The following CSMD1 variants were observed in gnomAD, a reference collection of about 807,000 sequenced individuals.
CSMD1 encodes CUB and Sushi multiple domains 1.
In CSMD1, 213 loss-of-function variants were observed where a neutral mutation model predicts 417.5. That is an observed-to-expected ratio of 0.51 (90% CI 0.46 to 0.57). The LOEUF (loss-of-function observed/expected upper bound fraction) is 0.57, where lower values mean the gene tolerates loss of function less well. Ranked by LOEUF, CSMD1 falls within the 20% of genes least tolerant of loss-of-function variation. The pLI, the probability that CSMD1 is intolerant of heterozygous loss-of-function variation, is 0.00. For missense variants in CSMD1, 6,923 were observed against 4,529.7 expected, an observed-to-expected ratio of 1.53 and a Z score of -15.17; for synonymous variants, 2,862 against 1,736.8, an observed-to-expected ratio of 1.65 and a Z score of -16.11.
chr8:4,574,505 G>A (rs1238119108), intron 2 of CSMD1, among the ~76,000 whole-genome samples: 2 of 152,186 alleles, frequency 1.3e-5, no homozygotes, highest in Non-Finnish European at 2.9e-5. Flanking sequence ...AGAGGGAAAT[G>A]CAGAAATCAC....
chr8:4,530,995 C>T (rs1229184731), intron 2 of CSMD1, among the ~76,000 whole-genome samples: 2 of 152,058 alleles, frequency 1.3e-5, no homozygotes, highest in African/African-American at 4.8e-5. Context: ...TGAGGCAAAT[C>T]ACATGAACTG....
At chr8:3,574,570 A>T (rs889980198) in intron 10 of CSMD1, among the ~76,000 whole-genome samples, 2 of 152,190 alleles carry the variant, frequency 1.3e-5, no homozygotes, top group African/African-American at 4.8e-5. Flanking sequence ...TTTGTGTCTG[A>T]GTATAGTAGG....
At chr8:3,664,699 A>G (rs1444527002) in intron 7 of CSMD1, among the ~76,000 whole-genome samples, 1 of 152,242 alleles carries the variant, frequency 6.6e-6, no homozygotes, top group African/African-American at 2.4e-5. Flanking sequence ...GAGCTGGCCC[A>G]TCATCTTATC....
chr8:4,168,268 C>G (rs556524419), intron 3 of CSMD1, among the ~76,000 whole-genome samples: 2 of 151,682 alleles, frequency 1.3e-5, no homozygotes, highest in East Asian at 1.9e-4. Context: ...GTAGGATGCA[C>G]CTGTACTCCC....
Position 4,073,135 on chromosome 8 carries a change from C to A in CSMD1, c.416-41036G>T, listed in dbSNP as rs74368639. 3.6e-3 allele frequency among the ~76,000 whole-genome samples: 554 copies of A among 152,162 alleles called. 15 individuals carry two copies. In the East Asian group the frequency reaches 0.059, roughly 16 times the overall value. On this transcript the variant is annotated intron_variant, in intron 3 of 69. Coordinates refer to ENST00000635120, the MANE Select transcript of CSMD1 (RefSeq NM_033225.6). ...ATCATGATTCTAGAAATTGGCAGAA[C>A]ATGAAAACTTTTGTGATTTCACTTT...
chr8:3,558,165 G>A (rs1168813605), intron 10 of CSMD1, among the ~76,000 whole-genome samples: 3 of 150,110 alleles, frequency 2.0e-5, no homozygotes, highest in African/African-American at 7.4e-5. Context: ...TGCCTCAATA[G>A]CACCCCGTGT....
At chr8:4,457,932 A>C (rs1170095272) in intron 2 of CSMD1, among the ~76,000 whole-genome samples, 3 of 152,124 alleles carry the variant, frequency 2.0e-5, no homozygotes, top group Non-Finnish European at 4.4e-5. Flanking sequence ...GGCAGAGTCT[A>C]TGTATGTCAA....
chr8:4,753,060 C>G (rs1049290742), intron 1 of CSMD1, among the ~76,000 whole-genome samples: 1 of 152,152 alleles, frequency 6.6e-6, no homozygotes, highest in Non-Finnish European at 1.5e-5. Context: ...TACTTTATCT[C>G]ATTTAACCCT....
intron 3 of CSMD1, among the ~76,000 whole-genome samples, chr8:4,371,464 G>A (rs1381083770): frequency 2.6e-5 from 4 of 152,104 alleles, no homozygotes; most frequent in African/African-American, 9.7e-5. Flanking sequence ...GCATGTCTGG[G>A]GATAGAAAAT....
At chr8:4,836,132 T>C (rs1563541785) in intron 1 of CSMD1, among the ~76,000 whole-genome samples, 2 of 152,148 alleles carry the variant, frequency 1.3e-5, no homozygotes, top group Admixed American at 1.3e-4. Context: ...CAATTTGAAA[T>C]ATAGGTTTTA....
intron 3 of CSMD1, among the ~76,000 whole-genome samples, chr8:4,332,305 C>T (rs1396795837): frequency 1.3e-5 from 2 of 152,088 alleles, no homozygotes; most frequent in Non-Finnish European, 2.9e-5. Context: ...TGGAGATGCT[C>T]TTTCAGTCCT....
chr8:3,645,578 G>A (rs1001822978), intron 7 of CSMD1, among the ~76,000 whole-genome samples: 20 of 152,112 alleles, frequency 1.3e-4, no homozygotes, highest in African/African-American at 4.1e-4. Flanking sequence ...CTTCTGCAAG[G>A]GATCATGGGA....
chr8:3,286,278 T>A (rs1051975017), intron 25 of CSMD1, among the ~76,000 whole-genome samples: 11 of 152,154 alleles, frequency 7.2e-5, no homozygotes, highest in Non-Finnish European at 1.2e-4. Context: ...ATAGTGCCGC[T>A]ATAAACATAC....
Position 4,003,789 on chromosome 8 carries a change from G to C in CSMD1, c.611-5679C>G, listed in dbSNP as rs146559163. ...CGGCAAATTACTCAACTTAGGGTCT[G>C]ATGTCTACTGAGTATATTGTACGTG... On this transcript the variant is annotated intron_variant, in intron 4 of 69. Coordinates refer to ENST00000635120, the MANE Select transcript of CSMD1 (RefSeq NM_033225.6). Among the ~76,000 whole-genome samples, 13 of 152,230 alleles carry C rather than the reference G, an allele frequency of 8.5e-5. No homozygotes were observed. In the South Asian group the frequency reaches 1.9e-3, roughly 22 times the overall value.
intron 5 of CSMD1, among the ~76,000 whole-genome samples, chr8:3,954,763 T>A (rs1811825047): frequency 6.6e-6 from 1 of 151,712 alleles, no homozygotes; most frequent in Non-Finnish European, 1.5e-5. Flanking sequence ...GAACTGAGCA[T>A]GCGTAATGTG....
intron 18 of CSMD1, among the ~76,000 whole-genome samples, chr8:3,376,537 G>A (rs957594170): frequency 1.3e-5 from 2 of 151,926 alleles, no homozygotes; most frequent in Non-Finnish European, 2.9e-5. Context: ...TGAAAAATGT[G>A]CAGTTGAACT....
chr8:3,460,423 C>G (rs1271191273), intron 12 of CSMD1, among the ~76,000 whole-genome samples: 1 of 152,128 alleles, frequency 6.6e-6, no homozygotes. Flanking sequence ...CCTGGGAAGG[C>G]TCCAACCAAT....
chr8:3,986,563 C>G (rs1051067622), intron 5 of CSMD1, among the ~76,000 whole-genome samples: 7 of 152,110 alleles, frequency 4.6e-5, no homozygotes. Flanking sequence ...TTATAAGTAT[C>G]TTAATCTTTC....
intron 2 of CSMD1, among the ~76,000 whole-genome samples, chr8:4,602,424 G>A (rs890019073): frequency 6.6e-6 from 1 of 152,122 alleles, no homozygotes; most frequent in African/African-American, 2.4e-5. Flanking sequence ...ACAGGAACAT[G>A]TTGTTGAAAT....
Sources: gnomAD v4.1 joint callset for allele counts (sites outside exome capture counted in the v4.1 genomes callset) on GRCh38, gnomAD v4.1.1 for gene constraint, MANE v1.5 for transcripts, NCBI Gene and HGNC (gene_info 2026-07-23, HGNC 2026-07-21) for gene names.